PDE9A: variants seen among roughly 807,000 people sequenced by gnomAD.
The protein encoded by PDE9A is high affinity cGMP-specific 3',5'-cyclic phosphodiesterase 9A.
Under a neutral mutation model 87.4 loss-of-function variants are expected in PDE9A, and 60 were observed. The observed-to-expected ratio is 0.69, with a 90% CI of 0.56 to 0.85. The LOEUF (loss-of-function observed/expected upper bound fraction) is 0.85, where lower values mean the gene tolerates loss of function less well. Among genes scored for constraint, PDE9A ranks in the 40% least tolerant of loss-of-function variants. The pLI is 0.00. For synonymous variants in PDE9A, 272 were observed against 279.4 expected (o/e 0.97, Z 0.27); for missense variants, 665 against 779.0 (o/e 0.85, Z 1.74).
intron 15 of PDE9A, among the ~76,000 whole-genome samples, chr21:42,767,416 C>A (rs1688061062): frequency 6.6e-6 from 1 of 152,162 alleles, no homozygotes; most frequent in African/African-American, 2.4e-5. Context: ...AAAGAAAGGC[C>A]TGAATGGCTT....
Position 42,670,409 on chromosome 21 carries a change from TACATTCACACG to T in PDE9A, c.70-15782_70-15772del, listed in dbSNP as rs2058438196. Among the ~76,000 whole-genome samples, 6 of 99,670 alleles carry T rather than the reference TACATTCACACG, an allele frequency of 6.0e-5. No individual in the cohort carries two copies. The South Asian group carries it at 1.7e-3, about 27-fold the overall frequency. The allele number at this position is 99,670 out of a possible 152,430, so 65.4% of individuals were successfully genotyped here. The stretch of plus-strand genomic sequence containing the variant: ...ATTTACATTCACAAACATTCACACA[TACATTCACACG>T]CACTTACAGTCACACATACACTTAT... On this transcript the variant is annotated intron_variant, in intron 1 of 19. Transcript: ENST00000291539.
At chr21:42,654,470 G>T (rs933499596) in intron 1 of PDE9A, among the ~76,000 whole-genome samples, 3 of 152,174 alleles carry the variant, frequency 2.0e-5, no homozygotes, top group African/African-American at 7.2e-5. Flanking sequence ...TTACACGGGA[G>T]AGGGGTTCAG....
At chr21:42,701,625 C>A (rs2048394682) in intron 4 of PDE9A, among the ~76,000 whole-genome samples, 1 of 151,792 alleles carries the variant, frequency 6.6e-6, no homozygotes, top group Non-Finnish European at 1.5e-5. Context: ...TTTATAGGGA[C>A]AAGGTCTTAC....
At chr21:42,725,371 G>C (rs1016669671) in intron 4 of PDE9A, among the ~76,000 whole-genome samples, 1 of 152,054 alleles carries the variant, frequency 6.6e-6, no homozygotes, top group South Asian at 2.1e-4. Context: ...TCCTGAGTAG[G>C]TGTGATTACA....
chr21:42,746,347 G>A (rs776981996), intron 8 of PDE9A, among the ~76,000 whole-genome samples: 1 of 152,228 alleles, frequency 6.6e-6, no homozygotes, highest in Non-Finnish European at 1.5e-5. Flanking sequence ...TTCCCACATA[G>A]TTCTGGAGGC....
chr21:42,711,565 G>A (rs1011477683), intron 4 of PDE9A, among the ~76,000 whole-genome samples: 1 of 152,084 alleles, frequency 6.6e-6, no homozygotes, highest in African/African-American at 2.4e-5. Flanking sequence ...ACAGGAGTGA[G>A]CCACCATGCC....
chr21:42,686,319 G>A lies in PDE9A; in HGVS notation c.140+57G>A, dbSNP rs2059469220. 2.8e-6 allele frequency: 4 copies of A among 1,419,844 alleles called. No individual in the cohort carries two copies. In the South Asian group the frequency reaches 3.4e-5, roughly 12 times the overall value. The allele number at this position is 1,419,844 out of a possible 1,614,324, so 88.0% of individuals were successfully genotyped here. ...CGCCACGCGGCCTCCTCGCCTTTTC[G>A]GGATGGCTGGGAGGGGCGGGAAGAG... On this transcript the variant is annotated intron_variant, in intron 2 of 19. Transcript: ENST00000291539.
chr21:42,767,252 A>T (rs1199327987), intron 15 of PDE9A, among the ~76,000 whole-genome samples: 1 of 151,958 alleles, frequency 6.6e-6, no homozygotes, highest in Non-Finnish European at 1.5e-5. Context: ...AGGTGCAGGG[A>T]GTGTGGCCGG....
chr21:42,728,680 T>C (rs1408364347), intron 4 of PDE9A, among the ~76,000 whole-genome samples: 1 of 152,176 alleles, frequency 6.6e-6, no homozygotes, highest in African/African-American at 2.4e-5. Flanking sequence ...TGTCTGCATT[T>C]GGTATCAGGG....
At position 42,723,089 on chromosome 21, in the gene PDE9A, G is replaced by T. The variant is rs2050695793; in HGVS notation, c.263-8681G>T. Among the ~76,000 whole-genome samples the T allele has an allele frequency of 6.6e-6, 1 of 152,236 alleles. No homozygotes were observed. The highest frequency in any genetic ancestry group is 1.5e-5 in the Non-Finnish European group (1 of 68,038). On this transcript the variant is annotated intron_variant, in intron 4 of 19. Coordinates refer to ENST00000291539, the MANE Select transcript of PDE9A (RefSeq NM_002606.3). This position sits in a 1 kb window ranked among gnomAD's most constrained non-coding sequence, Gnocchi z 4.3. ...TGTCCATCCTGCCACCCACACAGCT[G>T]CGTCCTGCCCAGGAATGAGGCTGGC...
intron 3 of PDE9A, chr21:42,689,383 T>C (rs1261556700): frequency 2.7e-5 from 6 of 224,688 alleles, no homozygotes; most frequent in Non-Finnish European, 4.5e-5. Flanking sequence ...GAAGGTGCAG[T>C]GCTAATTGGC....
At chr21:42,725,222 T>C (rs1267976687) in intron 4 of PDE9A, among the ~76,000 whole-genome samples, 1 of 151,494 alleles carries the variant, frequency 6.6e-6, no homozygotes, top group Non-Finnish European at 1.5e-5. Context: ...AAGAGGTCTC[T>C]CTCTTTTTTG....
chr21:42,767,323 G>A (rs2056507758), intron 15 of PDE9A, among the ~76,000 whole-genome samples: 2 of 152,100 alleles, frequency 1.3e-5, no homozygotes, highest in Admixed American at 1.3e-4. Context: ...CCCTAGGTCT[G>A]GTGTCGGGAC....
chr21:42,671,096 C>T (rs538709583), intron 1 of PDE9A, among the ~76,000 whole-genome samples: 4 of 152,158 alleles, frequency 2.6e-5, no homozygotes, highest in East Asian at 3.9e-4. Flanking sequence ...CAGAGAACCG[C>T]GTGGAAACAG....
intron 4 of PDE9A, among the ~76,000 whole-genome samples, chr21:42,725,878 T>C (rs1203021655): frequency 6.6e-6 from 1 of 152,228 alleles, no homozygotes; most frequent in Non-Finnish European, 1.5e-5. Context: ...CATCTTTAGT[T>C]GGTTTTTTCT....
Position 42,753,249 on chromosome 21 carries a change from G to A in PDE9A, c.736-741G>A, listed in dbSNP as rs139354563. 3.8e-3 allele frequency among the ~76,000 whole-genome samples: 580 copies of A among 152,124 alleles called. 4 individuals are homozygous for A. Among genetic ancestry groups the A allele is most frequent in the African/African-American group, 0.013 (537 of 41,474 alleles). On this transcript the variant is annotated intron_variant, in intron 9 of 19. Transcript: ENST00000291539. ...TTGAACTCCTGACCTCAGGTGATCC[G>A]CTCGCCTCGGCTTCCCAAAGCACTG... is the stretch of plus-strand genomic sequence containing the variant.
intron 14 of PDE9A, 116 bp downstream of exon 14, chr21:42,762,355 G>A (rs1394102824): frequency 5.8e-5 from 63 of 1,090,994 alleles, no homozygotes; most frequent in Non-Finnish European, 1.3e-6. Context: ...GTGCCCTGGG[G>A]ACCCAAGGGA....
At chr21:42,656,753 G>T (rs1369575143) in intron 1 of PDE9A, among the ~76,000 whole-genome samples, 1 of 151,908 alleles carries the variant, frequency 6.6e-6, no homozygotes, top group African/African-American at 2.4e-5. Context: ...GGCGTGTGAA[G>T]TGAGTCGGAG....
At chr21:42,742,692 C>A (rs1372596395) in intron 7 of PDE9A, among the ~76,000 whole-genome samples, 2 of 152,058 alleles carry the variant, frequency 1.3e-5, no homozygotes, top group Non-Finnish European at 2.9e-5. Flanking sequence ...GTCTTGAACT[C>A]CTGACCTCGT....
Sources: gnomAD v4.1 joint callset for allele counts (sites outside exome capture counted in the v4.1 genomes callset) on GRCh38, gnomAD v4.1.1 for gene constraint, Gnocchi (gnomAD v3.1) non-coding constraint, MANE v1.5 for transcripts, NCBI Gene and HGNC (gene_info 2026-07-23, HGNC 2026-07-21) for gene names.